Variants in NKTR observed in about 807,000 individuals in gnomAD.
NKTR encodes the protein NK-tumor recognition protein.
Under a neutral mutation model 156.3 loss-of-function variants are expected in NKTR, and 67 were observed. The ratio of observed to expected loss-of-function variants is 0.43; its 90% CI spans 0.35 to 0.53. The LOEUF (loss-of-function observed/expected upper bound fraction) is 0.53. NKTR is among the 20% of genes least tolerant of loss of function. The pLI, the probability that NKTR is intolerant of heterozygous loss-of-function variation, is 0.01. For synonymous variants in NKTR, 640 were observed against 596.6 expected, an observed-to-expected ratio of 1.07 and a Z score of -1.06; for missense variants, 1,604 against 1,730.9, an observed-to-expected ratio of 0.93 and a Z score of 1.30.
chr3:42,627,894 A>G (rs999874978), intron 6 of NKTR: 1 of 985,252 alleles, frequency 1.0e-6, no homozygotes, highest in Non-Finnish European at 1.2e-6. Flanking sequence ...TTTTCTTTTA[A>G]TTGAAGATTT....
intron 2 of NKTR, chr3:42,602,658 A>G (rs1421603943): frequency 6.8e-6 from 1 of 146,256 alleles, no homozygotes; most frequent in African/African-American, 2.5e-5. Flanking sequence ...AATAAGTGTT[A>G]CTAGAAAGCC....
At chr3:42,635,499 C>T (rs1709316517) in intron 12 of NKTR, 133 bp downstream of exon 12, 1 of 654,108 alleles carries the variant, frequency 1.5e-6, no homozygotes, top group South Asian at 2.5e-5. Context: ...AAAGGAAATA[C>T]ATTTGGGACT....
rs1170884706 is a variant in NKTR, at chr3:42,632,635, A to G, written c.585A>G (p.Ser195=). 1.9e-6 allele frequency: 3 copies of G among 1,612,988 alleles called. No homozygotes were observed. In the East Asian group the frequency reaches 6.7e-5, roughly 36 times the overall value. Residue 195 remains serine (S), a synonymous_variant, in exon 9 of 17, where the codon TCA becomes TCG. Coordinates refer to ENST00000232978, the MANE Select transcript of NKTR (RefSeq NM_005385.4). ...AAAAAAGGAAGAAACCAACTCATTCAGAAGGCTCGGATTCCTCTTCCAATT... is the reference window on the plus strand; with the variant it reads ...AAAAAAGGAAGAAACCAACTCATTCGGAAGGCTCGGATTCCTCTTCCAATT... ...FEKKRKKPTH[S]EGSDSSSNSS...
intron 2 of NKTR, among the ~76,000 whole-genome samples, chr3:42,610,011 C>CT (rs200074379): frequency 0.016 from 2,452 of 150,692 alleles, 62 homozygotes; most frequent in African/African-American, 0.056. Context: ...CTAGAATTTC[C>CT]TTTTTTTTTG....
intron 12 of NKTR, among the ~76,000 whole-genome samples, chr3:42,636,361 A>G (rs543713422): frequency 3.3e-5 from 5 of 152,286 alleles, no homozygotes; most frequent in African/African-American, 4.8e-5. Flanking sequence ...TTTTTCCTCA[A>G]TTTCTGTTTT....
rs368256555 is a variant in NKTR, at chr3:42,643,993, C to T, written c.4291C>T (p.Arg1431Trp). 101 of 1,613,150 alleles carry T rather than the reference C, an allele frequency of 6.3e-5. No individual in the cohort carries two copies. The highest frequency in any genetic ancestry group is 8.6e-5 in the Non-Finnish European group (101 of 1,179,404). ...DSYHRGRSYN[R>W]RSRSCRSYGS... ...TTACCACCGAGGCAGAAGTTATAAT[C>T]GGCGGTCCAGGTGGGTCTCTCTCCT... The change falls in exon 16 of 17, where the codon CGG becomes TGG. Residue 1431 changes from arginine (R) to tryptophan (W), a missense_variant. Physicochemically the swap from Arg to Trp is moderately radical, Grantham distance 101. Around this residue, in one of 6 missense-constraint regions of NKTR, gnomAD observed 193 missense variants for 220.2 expected, o/e 0.88. Coordinates refer to ENST00000232978, the MANE Select transcript of NKTR (RefSeq NM_005385.4).
intron 2 of NKTR, among the ~76,000 whole-genome samples, chr3:42,605,099 A>G (rs1278037532): frequency 1.3e-5 from 2 of 152,134 alleles, no homozygotes; most frequent in Admixed American, 6.5e-5. Context: ...TTTTATTATT[A>G]TGTAATGACA....
intron 2 of NKTR, among the ~76,000 whole-genome samples, chr3:42,616,693 T>C (rs1023213922): frequency 6.6e-5 from 10 of 152,174 alleles, no homozygotes; most frequent in Non-Finnish European, 1.5e-4. Flanking sequence ...TGTAATCTCG[T>C]GTTTGTTGTA....
chr3:42,624,768 C>T (rs1356849531), intron 6 of NKTR, among the ~76,000 whole-genome samples: 1 of 152,078 alleles, frequency 6.6e-6, no homozygotes, highest in Non-Finnish European at 1.5e-5. Context: ...AAACATTTTG[C>T]TGGAAAACAA....
chr3:42,607,452 A>G (rs1202755985), intron 2 of NKTR, among the ~76,000 whole-genome samples: 1 of 152,116 alleles, frequency 6.6e-6, no homozygotes, highest in African/African-American at 2.4e-5. Flanking sequence ...TGTGGCTAAT[A>G]TCTCAGTTAT....
chr3:42,629,216 G>A (rs961775641), intron 6 of NKTR: 32 of 984,584 alleles, frequency 3.3e-5, no homozygotes, highest in Non-Finnish European at 3.5e-5. Flanking sequence ...GATAGTTTTT[G>A]TTCTGTTTTC....
chr3:42,631,382 A>G, intron 8 of NKTR, 66 bp downstream of exon 8: 1 of 1,563,974 alleles, frequency 6.4e-7, no homozygotes, highest in African/African-American at 1.4e-5. Context: ...GACTGTAACT[A>G]GATTTGATTA....
intron 10 of NKTR, 79 bp downstream of exon 10, chr3:42,633,814 G>A (rs1043108368): frequency 5.4e-6 from 8 of 1,487,042 alleles, no homozygotes; most frequent in Admixed American, 1.7e-5. Flanking sequence ...CCACACTCAT[G>A]TATGGAACAT....
rs763440516 is a variant in NKTR at position 42,637,543 on chromosome 3, TC to T, written c.1847del (p.Pro616LeufsTer21). On this transcript the variant is annotated frameshift_variant, in exon 13 of 17. Coordinates refer to ENST00000232978, the MANE Select transcript of NKTR (RefSeq NM_005385.4). LOFTEE classifies it high-confidence loss of function. Reference sequence around the variant, plus strand: ...TTCCTGTAATACCACTGAGTGACAGTCCCCCCCCTTCAAGATGGAAGCCTGG... The same window carrying T: ...TTCCTGTAATACCACTGAGTGACAGTCCCCCCCTTCAAGATGGAAGCCTGG... Reference protein sequence around the residue: ...NIPVIPLSDSPPPSRWKPGQK... With the variant: ...NIPVIPLSDSXPPSRWKPGQK... The T allele has an allele frequency of 1.9e-6, 3 of 1,612,118 alleles. No individual in the cohort carries two copies. Among genetic ancestry groups the T allele is most frequent in the South Asian group, 2.2e-5 (2 of 90,878 alleles).
At position 42,639,318 on chromosome 3, in the gene NKTR, G is replaced by A; in HGVS notation, c.3614G>A (p.Gly1205Glu). 1.2e-6 allele frequency: 2 copies of A among 1,614,134 alleles called. No homozygotes were observed. The highest frequency in any genetic ancestry group is 1.7e-6 in the Non-Finnish European group (2 of 1,180,016). ...AGCTCTGCTAGCTTGGCTAGTGCTGGAGAAAGTACCGGGAAGAAGGAGGTG... is the reference window on the plus strand; with the variant it reads ...AGCTCTGCTAGCTTGGCTAGTGCTGAAGAAAGTACCGGGAAGAAGGAGGTG... ...DSSSASLASA[G>E]ESTGKKEVAE... The change falls in exon 13 of 17, where the codon GGA becomes GAA. Residue 1205 changes from glycine (G) to glutamate (E), a missense_variant. Physicochemically the swap from Gly to Glu is moderately conservative, Grantham distance 98. This residue lies in a region of NKTR where 1,255 missense variants were observed against 1,243.7 expected (regional missense o/e 1.01). Coordinates refer to ENST00000232978, the MANE Select transcript of NKTR (RefSeq NM_005385.4).
chr3:42,615,382 AT>A (rs532851344), intron 2 of NKTR, among the ~76,000 whole-genome samples: 1,873 of 139,042 alleles, frequency 0.013, 17 homozygotes, highest in Admixed American at 0.045. Context: ...CCTGGCCGAG[AT>A]TTTTTTTTTT....
chr3:42,605,464 A>G (rs1706143428), intron 2 of NKTR, among the ~76,000 whole-genome samples: 1 of 152,244 alleles, frequency 6.6e-6, no homozygotes, highest in Non-Finnish European at 1.5e-5. Context: ...AAGAGGCGAC[A>G]AAGGATTCAG....
At position 42,639,253 on chromosome 3, in the gene NKTR, C is replaced by G; in HGVS notation, c.3549C>G (p.Ser1183=). 6.2e-7 allele frequency: 1 copy of G among 1,614,086 alleles called. No individual in the cohort carries two copies. The highest frequency in any genetic ancestry group is 8.5e-7 in the Non-Finnish European group (1 of 1,180,014). ...AEVVKQESSM[S]ESKVLGEVGK... Reference sequence around the variant, plus strand: ...TAGTAAAACAGGAAAGCAGCATGTCCGAAAGTAAAGTGTTGGGTGAAGTGG... The same window carrying G: ...TAGTAAAACAGGAAAGCAGCATGTCGGAAAGTAAAGTGTTGGGTGAAGTGG... Residue 1183 remains serine, a synonymous_variant, in exon 13 of 17, where the codon TCC becomes TCG. Transcript: ENST00000232978.
At chr3:42,603,376 A>AC (rs1705805428) in intron 2 of NKTR, among the ~76,000 whole-genome samples, 1 of 150,720 alleles carries the variant, frequency 6.6e-6, no homozygotes, top group African/African-American at 2.4e-5. Flanking sequence ...AAAAAAAAAA[A>AC]AAAAAAAAAC....
Sources: gnomAD v4.1 joint callset for allele counts (sites outside exome capture counted in the v4.1 genomes callset) on GRCh38, gnomAD v4.1.1 for gene constraint, gnomAD v4.1.1 regional missense constraint, MANE v1.5 for transcripts, NCBI Gene and HGNC (gene_info 2026-07-23, HGNC 2026-07-21) for gene names.